The following THSD4 variants were observed in gnomAD, a reference collection of about 807,000 sequenced individuals.
THSD4 encodes the protein thrombospondin type-1 domain-containing protein 4.
THSD4 carries 69 observed loss-of-function variants against 119.0 expected under a neutral mutation model. The ratio of observed to expected loss-of-function variants is 0.58; its 90% CI spans 0.48 to 0.71. The LOEUF is 0.71. Ranked by LOEUF, THSD4 falls within the 30% of genes least tolerant of loss-of-function variation. The pLI is 0.00. For synonymous variants in THSD4, 524 were observed against 540.4 expected, an observed-to-expected ratio of 0.97 and a Z score of 0.42; for missense variants, 1,393 against 1,391.1, an observed-to-expected ratio of 1.00 and a Z score of -0.02.
At chr15:71,734,067 C>T (rs574110313) in intron 10 of THSD4, 11 of 152,250 alleles carry the variant, frequency 7.2e-5, no homozygotes, top group Admixed American at 5.2e-4. Context: ...CCTCAGCCTC[C>T]CAAAACGTTG....
intron 4 of THSD4, among the ~76,000 whole-genome samples, chr15:71,230,928 C>T (rs779007693): frequency 2.6e-5 from 4 of 152,232 alleles, no homozygotes; most frequent in Non-Finnish European, 5.9e-5. Flanking sequence ...TGGATTTCAA[C>T]TCCCAGGTGT....
At chr15:71,627,222 C>T (rs1192601825) in intron 7 of THSD4, among the ~76,000 whole-genome samples, 1 of 152,194 alleles carries the variant, frequency 6.6e-6, no homozygotes, top group African/African-American at 2.4e-5. Flanking sequence ...CTTCTCTGAT[C>T]AGTGTGTTCT....
At chr15:71,284,358 A>ATG (rs1191852733) in intron 6 of THSD4, among the ~76,000 whole-genome samples, 1 of 152,190 alleles carries the variant, frequency 6.6e-6, no homozygotes, top group East Asian at 1.9e-4. Flanking sequence ...TGTTGGTGTT[A>ATG]TATATTGAGA....
chr15:71,775,929 G>A (rs567754677), intron 17 of THSD4, among the ~76,000 whole-genome samples: 3 of 152,218 alleles, frequency 2.0e-5, no homozygotes, highest in African/African-American at 7.2e-5. Flanking sequence ...ATATGATGGA[G>A]GTCATATTAT....
intron 8 of THSD4, among the ~76,000 whole-genome samples, chr15:71,662,245 C>A (rs1567088147): frequency 1.0e-5 from 1 of 100,002 alleles, no homozygotes; most frequent in East Asian, 3.1e-4. Context: ...CAAATGCAGC[C>A]AAAACTAAGT....
At chr15:71,122,178 C>T (rs2040414302) in intron 1 of THSD4, among the ~76,000 whole-genome samples, 1 of 152,166 alleles carries the variant, frequency 6.6e-6, no homozygotes, top group African/African-American at 2.4e-5. Flanking sequence ...AGAGGATCTT[C>T]TGGTCAGCTA....
At chr15:71,656,171 C>CA (rs1242518727) in intron 7 of THSD4, among the ~76,000 whole-genome samples, 16 of 151,658 alleles carry the variant, frequency 1.1e-4, no homozygotes, top group Non-Finnish European at 2.2e-4. Flanking sequence ...CATGAAACAT[C>CA]AAAAAAAGTG....
At chr15:71,211,120 A>G (rs1230077716) in intron 3 of THSD4, among the ~76,000 whole-genome samples, 1 of 152,220 alleles carries the variant, frequency 6.6e-6, no homozygotes, top group East Asian at 1.9e-4. Context: ...TTCTTGCCAT[A>G]TCAGTATTGT....
In THSD4 at chr15:71,782,189, A is replaced by C. The variant is rs1231305330; in HGVS notation, c.*4815A>C. On this transcript the variant is annotated 3_prime_UTR_variant, in exon 18 of 18. Transcript: ENST00000261862. Reference sequence around the variant, plus strand: ...GGAGTTTCTGCACCTTTGCAGGGGCAAAGTAACTCCCTGCACCCTGAACCA... The same window carrying C: ...GGAGTTTCTGCACCTTTGCAGGGGCCAAGTAACTCCCTGCACCCTGAACCA... 6.6e-6 allele frequency: 1 copy of C among 152,274 alleles called. No individual in the cohort carries two copies. Among genetic ancestry groups the C allele is most frequent in the African/African-American group, 2.4e-5 (1 of 41,438 alleles). 9.4% of individuals were successfully genotyped at this position (152,274 alleles called of 1,614,324 possible). A position where few individuals can be genotyped will look rare whatever the true frequency, so the allele number is the denominator to read the frequency against.
chr15:71,498,861 T>C (rs1193535371), intron 7 of THSD4, among the ~76,000 whole-genome samples: 32 of 2,276 alleles, frequency 0.014, no homozygotes, highest in Non-Finnish European at 0.047. Flanking sequence ...ACATTGTACT[T>C]TTTTTTTTTT....
At chr15:71,612,056 G>C (rs1035795818) in intron 7 of THSD4, among the ~76,000 whole-genome samples, 2 of 152,156 alleles carry the variant, frequency 1.3e-5, no homozygotes, top group African/African-American at 4.8e-5. Flanking sequence ...TGGGGTCCCA[G>C]GAAAACTGGG....
chr15:71,705,874 A>G (rs972136267), intron 8 of THSD4, among the ~76,000 whole-genome samples: 6 of 152,182 alleles, frequency 3.9e-5, no homozygotes, highest in Non-Finnish European at 8.8e-5. Context: ...AGAAATACAG[A>G]AACTGTGACG....
At chr15:71,442,674 A>ACG (rs2047124755) in intron 7 of THSD4, among the ~76,000 whole-genome samples, 2 of 52,346 alleles carry the variant, frequency 3.8e-5, no homozygotes, top group Admixed American at 1.9e-4. Flanking sequence ...ATATATATAT[A>ACG]TATATATATA....
intron 6 of THSD4, among the ~76,000 whole-genome samples, chr15:71,300,031 G>A (rs1389121732): frequency 6.8e-6 from 1 of 147,740 alleles, no homozygotes; most frequent in Non-Finnish European, 1.5e-5. Context: ...GGCATCTGTG[G>A]TCCCAGTGAC....
intron 7 of THSD4, among the ~76,000 whole-genome samples, chr15:71,437,121 GA>G (rs35724794): frequency 0.34 from 51,705 of 152,032 alleles, 8,961 homozygotes; most frequent in Middle Eastern, 0.47. Flanking sequence ...GGTGGAAGGT[GA>G]AGTGGGAGCA....
chr15:71,108,935 T>A (rs1039424414), intron 1 of THSD4, among the ~76,000 whole-genome samples: 3 of 152,156 alleles, frequency 2.0e-5, no homozygotes, highest in Admixed American at 2.0e-4. Flanking sequence ...GAGGTTGCAG[T>A]GAGCCAAGAT....
intron 6 of THSD4, among the ~76,000 whole-genome samples, chr15:71,272,724 TGTG>T (rs2044546769): frequency 1.3e-5 from 2 of 151,792 alleles, no homozygotes; most frequent in Admixed American, 6.6e-5. Flanking sequence ...ATTAGCCAGG[TGTG>T]GTAGCGCGCG....
Position 71,220,506 on chromosome 15 carries a change from A to T in THSD4, c.464+5107A>T, listed in dbSNP as rs539476578. On this transcript the variant is annotated intron_variant, in intron 4 of 17. Transcript: ENST00000261862. Reference sequence around the variant, plus strand: ...CTTCATCTTTCAAATGAGAGTAATAATAATACCTATCATGTGGGGTTGTTG... The same window carrying T: ...CTTCATCTTTCAAATGAGAGTAATATTAATACCTATCATGTGGGGTTGTTG... 4.6e-5 allele frequency among the ~76,000 whole-genome samples: 7 copies of T among 152,302 alleles called. No individual in the cohort carries two copies. The South Asian group carries it at 1.5e-3, about 32-fold the overall frequency.
In THSD4 at chr15:71,404,619, G is replaced by A. The variant is rs918321988; in HGVS notation, c.1016-7068G>A. ...CTCAATATGATATCATTAAGAGGTAGGACCTTTTGGAATTAAGTCATGAGG... is the reference window on the plus strand; with the variant it reads ...CTCAATATGATATCATTAAGAGGTAAGACCTTTTGGAATTAAGTCATGAGG... On this transcript the variant is annotated intron_variant, in intron 6 of 17. Coordinates refer to ENST00000261862, the MANE Select transcript of THSD4 (RefSeq NM_024817.3). Among the ~76,000 whole-genome samples the A allele has an allele frequency of 8.5e-5, 13 of 152,120 alleles. No individual in the cohort carries two copies. In the South Asian group the frequency reaches 2.7e-3, roughly 32 times the overall value.
Sources: allele counts gnomAD v4.1 joint callset (sites outside exome capture counted in the v4.1 genomes callset), GRCh38; gene constraint gnomAD v4.1.1; transcripts MANE v1.5; gene names NCBI Gene and HGNC (gene_info 2026-07-23, HGNC 2026-07-21).